Variants in CLVS1 observed in about 807,000 individuals in gnomAD.
CLVS1 encodes the protein clavesin 1.
In CLVS1, 10 loss-of-function variants were observed where a neutral mutation model predicts 33.1. That is an observed-to-expected ratio of 0.30 (90% CI 0.19 to 0.51). The LOEUF is 0.51. Among genes scored for constraint, CLVS1 ranks in the 20% least tolerant of loss-of-function variants. CLVS1 has a pLI of 0.97. For missense variants in CLVS1, 343 were observed against 433.4 expected (o/e 0.79, Z 1.85); for synonymous variants, 163 against 166.1 (o/e 0.98, Z 0.14).
At chr8:61,265,401 A>G (rs535052602) in intron 2 of CLVS1, among the ~76,000 whole-genome samples, 32 of 152,370 alleles carry the variant, frequency 2.1e-4, no homozygotes, top group African/African-American at 7.5e-4. Flanking sequence ...CCTTAACTAT[A>G]AATGGGCATA....
intron 4 of CLVS1, among the ~76,000 whole-genome samples, chr8:61,457,770 C>G (rs1817219774): frequency 6.6e-6 from 1 of 152,076 alleles, no homozygotes. Flanking sequence ...GAAAAACAAA[C>G]AAACAAACAA....
intron 2 of CLVS1, among the ~76,000 whole-genome samples, chr8:61,151,253 T>C (rs746869418): frequency 2.6e-5 from 4 of 152,174 alleles, no homozygotes; most frequent in African/African-American, 4.8e-5. Context: ...TCAGAAGATA[T>C]TGCAATAAAC....
intron 5 of CLVS1, among the ~76,000 whole-genome samples, chr8:61,469,679 C>T (rs1365164629): frequency 6.6e-6 from 1 of 152,056 alleles, no homozygotes; most frequent in Non-Finnish European, 1.5e-5. Context: ...CATGAAATAC[C>T]ATCTATATGA....
At chr8:61,068,701 C>T (rs748368361) in intron 1 of CLVS1, among the ~76,000 whole-genome samples, 1 of 152,154 alleles carries the variant, frequency 6.6e-6, no homozygotes, top group Non-Finnish European at 1.5e-5. Context: ...TGCTGCAAGC[C>T]AGGCCTCCAG....
chr8:61,323,650 C>CT (rs543497983), intron 2 of CLVS1, among the ~76,000 whole-genome samples: 11,979 of 149,298 alleles, frequency 0.08, 1,194 homozygotes, highest in African/African-American at 0.23. Flanking sequence ...AGCAGTAACT[C>CT]TTTTTTTTTT....
At chr8:61,316,088 A>T (rs987012502) in intron 2 of CLVS1, among the ~76,000 whole-genome samples, 2 of 152,118 alleles carry the variant, frequency 1.3e-5, no homozygotes, top group Non-Finnish European at 2.9e-5. Flanking sequence ...ATAGTATTCT[A>T]TGGTGTATAT....
At chr8:61,232,041 T>TTTTTTTTTTTTTTTTTTTTTTTTTTTG (rs1554548394) in intron 2 of CLVS1, among the ~76,000 whole-genome samples, 11 of 116,010 alleles carry the variant, frequency 9.5e-5, no homozygotes, top group South Asian at 2.8e-4. Context: ...TTTTTTTTTT[T>TTTTTTTTTTTTTTTTTTTTTTTTTTTG]TTTTTTTTTG....
In CLVS1 at chr8:61,202,583, C is replaced by A. The variant is rs1585685000; in HGVS notation, c.-152+70723C>A. 3.1e-6 allele frequency: 4 copies of A among 1,293,936 alleles called. No individual in the cohort carries two copies. The East Asian group carries it at 7.2e-5, about 23-fold the overall frequency. 80.2% of individuals were successfully genotyped at this position (1,293,936 alleles called of 1,614,324 possible). A position where few individuals can be genotyped will look rare whatever the true frequency, so the allele number is the denominator to read the frequency against. ...AGCCCAATTAAAGTAACACTGGCAA[C>A]TTTGAAAATGTCTGTACAGCCAACG... is the stretch of plus-strand genomic sequence containing the variant. On this transcript the variant is annotated intron_variant, in intron 2 of 2. Transcript: ENST00000522621.
At chr8:61,283,296 G>T (rs1419026208), upstream of CLVS1, among the ~76,000 whole-genome samples, 11 of 152,104 alleles carry the variant, frequency 7.2e-5, no homozygotes, top group Admixed American at 7.2e-4. Flanking sequence ...TTTTTGTCAA[G>T]AATTTCCAAC....
Position 61,458,562 on chromosome 8 carries a change from A to AG in CLVS1, c.977+21dup. 2 of 1,449,946 alleles carry AG rather than the reference A, an allele frequency of 1.4e-6. No individual in the cohort carries two copies. Among genetic ancestry groups the AG allele is most frequent in the Non-Finnish European group, 9.4e-7 (1 of 1,068,776 alleles). 89.8% of individuals were successfully genotyped at this position (1,449,946 alleles called of 1,614,324 possible). On this transcript the variant is annotated intron_variant, in intron 5 of 5. Coordinates refer to ENST00000325897, the MANE Select transcript of CLVS1 (RefSeq NM_173519.3). Reference sequence around the variant, plus strand: ...GAAAAGGTAAGGCCTGGGTTATCAGAGCCCCCCCCCCAGTCAGAGGTCAAT... The same window carrying AG: ...GAAAAGGTAAGGCCTGGGTTATCAGAGGCCCCCCCCCCAGTCAGAGGTCAAT...
chr8:61,337,153 A>G (rs1048486148), intron 2 of CLVS1, among the ~76,000 whole-genome samples: 7 of 152,198 alleles, frequency 4.6e-5, no homozygotes, highest in African/African-American at 7.2e-5. Context: ...CTCTCTGTCT[A>G]CACCAATCCT....
At chr8:61,472,593 C>T (rs1028077320) in intron 5 of CLVS1, among the ~76,000 whole-genome samples, 3 of 152,160 alleles carry the variant, frequency 2.0e-5, no homozygotes, top group African/African-American at 4.8e-5. Context: ...CAGTAACCAA[C>T]TCCTTAGTCT....
At chr8:61,115,198 A>T (rs1333920106) in intron 1 of CLVS1, among the ~76,000 whole-genome samples, 1 of 152,208 alleles carries the variant, frequency 6.6e-6, no homozygotes, top group Non-Finnish European at 1.5e-5. Flanking sequence ...GCTCTAAATC[A>T]TAGTATTCTC....
At chr8:61,199,160 A>C (rs548373147) in intron 2 of CLVS1, among the ~76,000 whole-genome samples, 1 of 152,274 alleles carries the variant, frequency 6.6e-6, no homozygotes, top group East Asian at 1.9e-4. Flanking sequence ...TTCCACATTG[A>C]AAAACCTAAG....
intron 2 of CLVS1, among the ~76,000 whole-genome samples, chr8:61,207,091 T>C (rs374027322): frequency 1.3e-5 from 2 of 152,258 alleles, no homozygotes; most frequent in African/African-American, 4.8e-5. Flanking sequence ...TGCTGTCTAA[T>C]AGGGGAGATA....
At chr8:60,970,794 G>A in the CLVS1 span, among the ~76,000 whole-genome samples, 516 of 152,192 alleles carry the variant, frequency 3.4e-3, 5 homozygotes, top group African/African-American at 0.012. Context: ...AAATTTCCTT[G>A]AATTATTTTA....
At chr8:61,490,484 C>T (rs1041854410) in intron 5 of CLVS1, among the ~76,000 whole-genome samples, 5 of 150,766 alleles carry the variant, frequency 3.3e-5, no homozygotes, top group Admixed American at 6.6e-5. Context: ...CTGGCCAACA[C>T]GGTGAAACCC....
chr8:61,146,344 G>A (rs1393766770), intron 2 of CLVS1, among the ~76,000 whole-genome samples: 2 of 152,170 alleles, frequency 1.3e-5, no homozygotes, highest in African/African-American at 2.4e-5. Context: ...GATTAAATGG[G>A]GTTCTAGCTG....
chr8:60,975,733 C>G, the CLVS1 span, among the ~76,000 whole-genome samples: 1 of 152,174 alleles, frequency 6.6e-6, no homozygotes, highest in African/African-American at 2.4e-5. Flanking sequence ...CTAAGACATC[C>G]TTCCTCACCC....
Sources: allele counts gnomAD v4.1 joint callset (sites outside exome capture counted in the v4.1 genomes callset), GRCh38; gene constraint gnomAD v4.1.1; transcripts MANE v1.5; gene names NCBI Gene and HGNC (gene_info 2026-07-23, HGNC 2026-07-21).